The following BICRA variants were observed in gnomAD, a reference collection of about 807,000 sequenced individuals.
BICRA encodes the protein BRD4-interacting chromatin-remodeling complex-associated protein.
BICRA carries 31 observed loss-of-function variants against 96.9 expected under a neutral mutation model. The ratio of observed to expected loss-of-function variants is 0.32; its 90% CI spans 0.24 to 0.43. The LOEUF is 0.43. BICRA is among the 20% of genes least tolerant of loss of function. BICRA has a pLI of 1.00. For synonymous variants in BICRA, 1,350 were observed against 1,071.8 expected (o/e 1.26, Z -5.07); for missense variants, 2,283 against 2,190.3 (o/e 1.04, Z -0.84).
Position 47,702,444 on chromosome 19 carries a change from C to G in BICRA, c.*29C>G. ...CGGGCCGCCTCCCCTTCCCCGTCCCCTCCTCCCGAAGACGCCGGGACAGTC... is the reference window on the plus strand; with the variant it reads ...CGGGCCGCCTCCCCTTCCCCGTCCCGTCCTCCCGAAGACGCCGGGACAGTC... On this transcript the variant is annotated 3_prime_UTR_variant, in exon 15 of 15. Transcript: ENST00000594866. 2 of 1,453,094 alleles carry G rather than the reference C, an allele frequency of 1.4e-6. No homozygotes were observed. The highest frequency in any genetic ancestry group is 1.8e-6 in the Non-Finnish European group (2 of 1,117,020). The allele number at this position is 1,453,094 out of a possible 1,614,324, so 90.0% of individuals were successfully genotyped here.
chr19:47,665,105 C>T (rs146087607), intron 1 of BICRA, among the ~76,000 whole-genome samples: 75 of 148,514 alleles, frequency 5.1e-4, no homozygotes, highest in Non-Finnish European at 1.0e-3. Flanking sequence ...GAGAGGTCTC[C>T]AGCACCCTCC....
At chr19:47,636,497 C>T (rs1599800473) in intron 1 of BICRA, among the ~76,000 whole-genome samples, 1 of 152,160 alleles carries the variant, frequency 6.6e-6, no homozygotes, top group South Asian at 2.1e-4. Context: ...CAGATGTGAG[C>T]TACTGCGCCC....
intron 1 of BICRA, among the ~76,000 whole-genome samples, chr19:47,649,901 G>A (rs1568557536): frequency 6.6e-6 from 1 of 152,016 alleles, no homozygotes; most frequent in Non-Finnish European, 1.5e-5. Context: ...ATTTAGGTTA[G>A]TGTAAAAGTA....
intron 1 of BICRA, among the ~76,000 whole-genome samples, chr19:47,645,624 TACAAAG>T (rs1429236897): frequency 6.6e-6 from 1 of 152,174 alleles, no homozygotes; most frequent in Non-Finnish European, 1.5e-5. Context: ...AACTGGAATA[TACAAAG>T]TTCCAAAAAC....
intron 1 of BICRA, among the ~76,000 whole-genome samples, chr19:47,610,847 C>A (rs1971895512): frequency 6.6e-6 from 1 of 152,052 alleles, no homozygotes; most frequent in Admixed American, 6.6e-5. Flanking sequence ...AATGGGAAGA[C>A]AACTCAGGAA....
chr19:47,684,974 G>C (rs1973122343), intron 7 of BICRA, among the ~76,000 whole-genome samples: 1 of 152,078 alleles, frequency 6.6e-6, no homozygotes, highest in Admixed American at 6.6e-5. Flanking sequence ...TGCTGTAGCT[G>C]AACTTATTTT....
chr19:47,608,926 TA>T (rs1444417984), upstream of BICRA, among the ~76,000 whole-genome samples: 6 of 142,928 alleles, frequency 4.2e-5, no homozygotes, highest in African/African-American at 7.7e-5. Flanking sequence ...TGCATTTAAT[TA>T]AAAAAAATTT....
Position 47,680,232 on chromosome 19 carries a change from G to A in BICRA, c.1062G>A (p.Lys354=). 1 of 1,559,752 alleles carries A rather than the reference G, an allele frequency of 6.4e-7. No individual in the cohort carries two copies. Among genetic ancestry groups the A allele is most frequent in the Non-Finnish European group, 8.6e-7 (1 of 1,161,668 alleles). ...GCACACCCACGCCCATCCAGCCCAA[G>A]CCCGCGGGGGTGCTGCCGCCCAAGC... ...LHRTPTPIQP[K]PAGVLPPKLY... is the part of the protein sequence containing the mutation. The change falls in exon 6 of 15, where the codon AAG becomes AAA. Residue 354 remains lysine (K), a synonymous_variant. Transcript: ENST00000594866.
At chr19:47,612,903 TG>T (rs1971930512) in intron 1 of BICRA, among the ~76,000 whole-genome samples, 2 of 151,418 alleles carry the variant, frequency 1.3e-5, no homozygotes, top group South Asian at 4.2e-4. Flanking sequence ...CTCCTTTAAG[TG>T]CAGTTATTTC....
intron 1 of BICRA, among the ~76,000 whole-genome samples, chr19:47,610,617 C>CACCA (rs1555783201): frequency 6.8e-6 from 1 of 146,420 alleles, no homozygotes; most frequent in African/African-American, 2.6e-5. Context: ...CACCCCCCCC[C>CACCA]CACACACACA....
rs1973387690 is a variant in BICRA at position 47,698,676 on chromosome 19, C to T, written c.3291C>T (p.His1097=). 1 of 1,581,450 alleles carries T rather than the reference C, an allele frequency of 6.3e-7. No individual in the cohort carries two copies. Among genetic ancestry groups the T allele is most frequent in the African/African-American group, 1.3e-5 (1 of 74,300 alleles). The part of the protein sequence containing the change: ...HLHKHQGSVL[H]PDYKTAFPSF... Reference sequence around the variant, plus strand: ...ACAAACACCAGGGCTCCGTCCTGCACCCCGACTACAAGACGGCCTTCCCCT... The same window carrying T: ...ACAAACACCAGGGCTCCGTCCTGCATCCCGACTACAAGACGGCCTTCCCCT... Residue 1097 remains histidine, a synonymous_variant, in exon 12 of 15, where the codon CAC becomes CAT. Coordinates refer to ENST00000594866, the MANE Select transcript of BICRA (RefSeq NM_001394372.1). This position sits in a 1 kb window ranked among gnomAD's most constrained non-coding sequence, Gnocchi z 4.8.
chr19:47,609,879 C>T (rs1971872178), intron 1 of BICRA, among the ~76,000 whole-genome samples: 1 of 152,100 alleles, frequency 6.6e-6, no homozygotes, highest in Non-Finnish European at 1.5e-5. Context: ...AAGGAGTTGA[C>T]TTGACCCCCA....
chr19:47,680,494 G>A lies in BICRA; in HGVS notation c.1324G>A (p.Ala442Thr). 1.9e-6 allele frequency: 3 copies of A among 1,542,848 alleles called. No homozygotes were observed. The highest frequency in any genetic ancestry group is 2.6e-6 in the Non-Finnish European group (3 of 1,145,422). Residue 442 changes from alanine to threonine, a missense_variant, in exon 6 of 15, where the codon GCC becomes ACC. Transcript: ENST00000594866. ...TGAAPPQPPG[A>T]LSKPMSVHLL... ...AGCGGCCCCGCCGCAGCCCCCCGGG[G>A]CCCTGAGCAAACCCATGAGCGTCCA...
At chr19:47,610,563 C>A (rs1296701399) in intron 1 of BICRA, among the ~76,000 whole-genome samples, 1 of 151,810 alleles carries the variant, frequency 6.6e-6, no homozygotes, top group African/African-American at 2.4e-5. Flanking sequence ...TGGTGGGCTG[C>A]AGTCTGTGCC....
At chr19:47,664,552 T>A (rs555534512) in intron 1 of BICRA, among the ~76,000 whole-genome samples, 1 of 152,152 alleles carries the variant, frequency 6.6e-6, no homozygotes, top group Non-Finnish European at 1.5e-5. Flanking sequence ...TCCTGTAAGA[T>A]GTGCATCAGC....
In BICRA at chr19:47,655,488, G is replaced by A. The variant is rs557997167; in HGVS notation, c.-107-14955G>A. Among the ~76,000 whole-genome samples the A allele has an allele frequency of 3.0e-5, 4 of 131,912 alleles. 1 individual carries two copies. The South Asian group carries it at 9.5e-4, about 31-fold the overall frequency. The allele number at this position is 131,912 out of a possible 152,430, so 86.5% of individuals were successfully genotyped here. A position where few individuals can be genotyped will look rare whatever the true frequency, so the allele number is the denominator to read the frequency against. On this transcript the variant is annotated intron_variant, in intron 1 of 14. Transcript: ENST00000594866. ...TGCAGTGAGCAAAGATCACACCACT[G>A]TACTCCAGCCTGGGCAACAAGAGCA...
intron 1 of BICRA, among the ~76,000 whole-genome samples, chr19:47,641,289 A>C (rs960659981): frequency 6.6e-6 from 1 of 151,916 alleles, no homozygotes; most frequent in Non-Finnish European, 1.5e-5. Context: ...AAAAAGTATC[A>C]TTGGATGCAA....
In BICRA at chr19:47,682,154, T is replaced by G. The variant is rs1599852487; in HGVS notation, c.2283+2T>G. The G allele has an allele frequency of 7.4e-7, 1 of 1,355,916 alleles. No individual in the cohort carries two copies. The highest frequency in any genetic ancestry group is 1.0e-6 in the Non-Finnish European group (1 of 999,034). 84.0% of individuals were successfully genotyped at this position (1,355,916 alleles called of 1,614,324 possible). A position where few individuals can be genotyped will look rare whatever the true frequency, so the allele number is the denominator to read the frequency against. ...GCTTCCCCGGCTCCGGCCCCCCAGG[T>G]AGAGGGACCCCAGCAGCCTGTGTCC... On this transcript the variant is annotated splice_donor_variant, in intron 7 of 14. Transcript: ENST00000594866. LOFTEE classifies it high-confidence loss of function.
At chr19:47,694,082 C>A in intron 7 of BICRA, 33 bp from the exon 8 acceptor site, 2 of 1,424,214 alleles carry the variant, frequency 1.4e-6, no homozygotes, top group East Asian at 2.7e-5. Context: ...TTCTGACCCC[C>A]GCCCCTCCCC....
Sources: allele counts gnomAD v4.1 joint callset (sites outside exome capture counted in the v4.1 genomes callset), GRCh38; gene constraint gnomAD v4.1.1; non-coding constraint Gnocchi (gnomAD v3.1); transcripts MANE v1.5; gene names NCBI Gene and HGNC (gene_info 2026-07-23, HGNC 2026-07-21).